The following SLC39A10 variants were observed in gnomAD, a reference collection of about 807,000 sequenced individuals.
The protein encoded by SLC39A10 is zinc transporter ZIP10.
A neutral mutation model predicts 65.1 loss-of-function variants in SLC39A10; 13 were observed. That is an observed-to-expected ratio of 0.20 (90% CI 0.13 to 0.32). SLC39A10 has a LOEUF of 0.32. Ranked by LOEUF, SLC39A10 falls within the 10% of genes least tolerant of loss-of-function variation. SLC39A10 has a pLI of 1.00. For missense variants in SLC39A10, 831 were observed against 1,018.4 expected (o/e 0.82, Z 2.50); for synonymous variants, 321 against 342.2 (o/e 0.94, Z 0.68).
At chr2:195,623,938 C>CATCCCA (rs1317644011) in intron 2 of SLC39A10, among the ~76,000 whole-genome samples, 2 of 146,194 alleles carry the variant, frequency 1.4e-5, no homozygotes, top group African/African-American at 5.0e-5. Context: ...CACACACACA[C>CATCCCA]ACCGTCTTAG....
chr2:195,721,799 A>G (rs966158838), intron 8 of SLC39A10, among the ~76,000 whole-genome samples: 1 of 151,834 alleles, frequency 6.6e-6, no homozygotes, highest in Non-Finnish European at 1.5e-5. Flanking sequence ...AAAACCTCCA[A>G]CTTTCCTTCC....
At chr2:195,690,342 G>C (rs182237012) in intron 3 of SLC39A10, among the ~76,000 whole-genome samples, 12 of 152,086 alleles carry the variant, frequency 7.9e-5, no homozygotes, top group Admixed American at 3.3e-4. Context: ...GTGAACATGG[G>C]CATCTCTCTC....
At chr2:195,623,968 T>G (rs1341547307) in intron 2 of SLC39A10, among the ~76,000 whole-genome samples, 2 of 141,044 alleles carry the variant, frequency 1.4e-5, no homozygotes, top group Non-Finnish European at 3.1e-5. Context: ...TTGGGAAAAA[T>G]TACATTAACG....
upstream of SLC39A10, among the ~76,000 whole-genome samples, chr2:195,652,688 C>T (rs990085248): frequency 5.9e-5 from 9 of 151,298 alleles, no homozygotes; most frequent in Non-Finnish European, 1.2e-4. Context: ...CTTTAAAAGA[C>T]GCCAGACTCA....
At chr2:195,620,332 G>A (rs1005351107) in intron 2 of SLC39A10, among the ~76,000 whole-genome samples, 4 of 152,126 alleles carry the variant, frequency 2.6e-5, no homozygotes, top group African/African-American at 4.8e-5. Context: ...ATTTGAGTTA[G>A]CCTGGAGAAA....
chr2:195,640,304 C>T (rs540384830), intron 2 of SLC39A10, among the ~76,000 whole-genome samples: 1 of 150,940 alleles, frequency 6.6e-6, no homozygotes, highest in South Asian at 2.1e-4. Context: ...AGATGAAAGC[C>T]CTGCCTATGC....
rs903901301 is a variant in SLC39A10, at chr2:195,657,351, G to A, written c.-12+70G>A. 7 of 980,502 alleles carry A rather than the reference G, an allele frequency of 7.1e-6. No individual in the cohort carries two copies. In the African/African-American group the frequency reaches 1.0e-4, roughly 15 times the overall value. 60.7% of individuals were successfully genotyped at this position (980,502 alleles called of 1,614,324 possible). ...CGGCCCCGTGCGCGGCGGAGACTGCGAGTCCCGGGACGGCGTGGGGGTAGA... is the reference window on the plus strand; with the variant it reads ...CGGCCCCGTGCGCGGCGGAGACTGCAAGTCCCGGGACGGCGTGGGGGTAGA... On this transcript the variant is annotated intron_variant, in intron 1 of 9. Coordinates refer to ENST00000359634, the MANE Select transcript of SLC39A10 (RefSeq NM_020342.3).
chr2:195,619,029 G>T (rs759405332), intron 2 of SLC39A10, among the ~76,000 whole-genome samples: 3 of 147,930 alleles, frequency 2.0e-5, no homozygotes, highest in Admixed American at 6.9e-5. Context: ...GGAGGCGGAG[G>T]TTGCAGTGAG....
chr2:195,737,668 T>G lies in SLC39A10; in HGVS notation c.*2627T>G, dbSNP rs1692708421. 3 of 352,164 alleles carry G rather than the reference T, an allele frequency of 8.5e-6. No homozygotes were observed. The highest frequency in any genetic ancestry group is 5.1e-5 in the East Asian group (1 of 19,714). 21.8% of individuals were successfully genotyped at this position (352,164 alleles called of 1,614,324 possible). ...TGTATGTTCCTAATGCTTATGGAACTCCTCCAAAATAAAGTTACTCAAAGA... is the reference window on the plus strand; with the variant it reads ...TGTATGTTCCTAATGCTTATGGAACGCCTCCAAAATAAAGTTACTCAAAGA... On this transcript the variant is annotated 3_prime_UTR_variant, in exon 10 of 10. Transcript: ENST00000359634.
chr2:195,712,125 C>T (rs1165173880), intron 5 of SLC39A10, among the ~76,000 whole-genome samples: 1 of 152,178 alleles, frequency 6.6e-6, no homozygotes, highest in African/African-American at 2.4e-5. Flanking sequence ...GCTGGAAAGT[C>T]CAAGAATACT....
chr2:195,616,990 G>A (rs1055994046), intron 2 of SLC39A10, among the ~76,000 whole-genome samples: 5 of 152,116 alleles, frequency 3.3e-5, no homozygotes, highest in African/African-American at 1.2e-4. Context: ...TGGCCTATCA[G>A]TTTTTGTCTT....
At chr2:195,650,857 G>A (rs538838877) in intron 2 of SLC39A10, among the ~76,000 whole-genome samples, 8 of 151,972 alleles carry the variant, frequency 5.3e-5, no homozygotes, top group African/African-American at 1.9e-4. Flanking sequence ...TCAAAATGGT[G>A]GGGTCTGTGG....
Position 195,681,036 on chromosome 2 carries a change from G to T in SLC39A10, c.994G>T (p.Asp332Tyr). ...TTTGAGAAAAGATCTAAATGAAGAT[G>T]ACCATCATCATGAAGTAAGTATAAA... ...ISLRKDLNEDDHHHECLNVTQ... is the reference protein window; with the variant it reads ...ISLRKDLNEDYHHHECLNVTQ... The change falls in exon 2 of 10, where the codon GAC becomes TAC. Residue 332 changes from aspartate to tyrosine, a missense_variant. Asp to Tyr is a radical substitution (Grantham distance 160). This residue lies in a region of SLC39A10 where 446 missense variants were observed against 499.2 expected (regional missense o/e 0.89). Transcript: ENST00000359634. 2.5e-6 allele frequency: 4 copies of T among 1,607,168 alleles called. No homozygotes were observed. Among genetic ancestry groups the T allele is most frequent in the South Asian group, 1.1e-5 (1 of 90,112 alleles).
intron 6 of SLC39A10, among the ~76,000 whole-genome samples, chr2:195,715,266 G>A (rs1445689587): frequency 8.6e-5 from 13 of 151,876 alleles, no homozygotes; most frequent in African/African-American, 1.2e-4. Context: ...GGTGGCTCAC[G>A]CCTGTCATCC....
chr2:195,656,148 C>T (rs1689139341), upstream of SLC39A10, among the ~76,000 whole-genome samples: 1 of 152,124 alleles, frequency 6.6e-6, no homozygotes, highest in Non-Finnish European at 1.5e-5. Context: ...TAAGGCACCC[C>T]CAGAACTCGC....
intron 2 of SLC39A10, among the ~76,000 whole-genome samples, chr2:195,633,220 G>A (rs1688625706): frequency 6.6e-6 from 1 of 152,224 alleles, no homozygotes; most frequent in Non-Finnish European, 1.5e-5. Context: ...ACTAGAACTA[G>A]TCAGCCATTT....
rs990166589 is a variant in SLC39A10 at position 195,736,264 on chromosome 2, T to TACCA, written c.*1224_*1227dup. The TACCA allele has an allele frequency of 1.2e-4, 19 of 157,722 alleles. No homozygotes were observed. The highest frequency in any genetic ancestry group is 1.1e-3 in the Admixed American group (17 of 15,284). 9.8% of individuals were successfully genotyped at this position (157,722 alleles called of 1,614,324 possible). A position where few individuals can be genotyped will look rare whatever the true frequency, so the allele number is the denominator to read the frequency against. On this transcript the variant is annotated 3_prime_UTR_variant, in exon 10 of 10. Coordinates refer to ENST00000359634, the MANE Select transcript of SLC39A10 (RefSeq NM_020342.3). ...TAGTCTTTTAGGTGCCCTGTTCTCCTACCATAATTGTGAATGATTTGTGAG... is the reference window on the plus strand; with the variant it reads ...TAGTCTTTTAGGTGCCCTGTTCTCCTACCAACCATAATTGTGAATGATTTGTGAG...
chr2:195,729,376 A>T (rs961942173), intron 9 of SLC39A10, among the ~76,000 whole-genome samples: 120 of 152,320 alleles, frequency 7.9e-4, no homozygotes, highest in African/African-American at 2.8e-3. Flanking sequence ...AAAGTTACCT[A>T]GGAGTAGTCA....
intron 2 of SLC39A10, among the ~76,000 whole-genome samples, chr2:195,639,430 G>T (rs562413234): frequency 6.6e-6 from 1 of 152,276 alleles, no homozygotes; most frequent in Non-Finnish European, 1.5e-5. Flanking sequence ...TGTTGATGTT[G>T]ACCTTGATCT....
Sources: allele counts gnomAD v4.1 joint callset (sites outside exome capture counted in the v4.1 genomes callset), GRCh38; gene constraint gnomAD v4.1.1; regional missense constraint gnomAD v4.1.1; transcripts MANE v1.5; gene names NCBI Gene and HGNC (gene_info 2026-07-23, HGNC 2026-07-21).